The following ABCC1 variants were observed in gnomAD, a reference collection of about 807,000 sequenced individuals.
The protein encoded by ABCC1 is ATP binding cassette subfamily C member 1 (ABCC1 blood group), also known as multidrug resistance-associated protein 1.
Under a neutral mutation model 172.9 loss-of-function variants are expected in ABCC1, and 83 were observed. The ratio of observed to expected loss-of-function variants is 0.48; its 90% confidence interval spans 0.40 to 0.58. ABCC1 has a LOEUF of 0.58. Ranked by LOEUF, ABCC1 falls within the 20% of genes least tolerant of loss-of-function variation. ABCC1 has a pLI of 0.00. For synonymous variants in ABCC1, 937 were observed against 825.2 expected (o/e 1.14, Z -2.32); for missense variants, 1,817 against 2,002.7 (o/e 0.91, Z 1.77).
At chr16:15,993,243 T>C (rs549496131) in intron 1 of ABCC1, among the ~76,000 whole-genome samples, 124 of 152,294 alleles carry the variant, frequency 8.1e-4, no homozygotes, top group African/African-American at 2.8e-3. Context: ...ATTGAATGAA[T>C]GAATGCATGA....
At chr16:16,037,884 G>A (rs1175699268) in intron 7 of ABCC1, among the ~76,000 whole-genome samples, 1 of 152,204 alleles carries the variant, frequency 6.6e-6, no homozygotes. Context: ...GGTGGTCCAG[G>A]TGATGGGAGA....
intron 17 of ABCC1, among the ~76,000 whole-genome samples, chr16:16,085,859 T>A (rs1214247193): frequency 6.6e-6 from 1 of 152,140 alleles, no homozygotes; most frequent in African/African-American, 2.4e-5. Context: ...CAGGAGGGAC[T>A]GGGCAGTAAC....
rs1253692082 is a variant in ABCC1, at chr16:16,068,181, A to G, written c.1703A>G (p.Tyr568Cys). Residue 568 changes from tyrosine to cysteine, a missense_variant, in exon 13 of 31, where the codon TAC becomes TGC. Tyr to Cys is a radical substitution (Grantham distance 194). Transcript: ENST00000399410. ...GTGGCCTTGTGCACATTTGCCGTCTACGTGACCATTGACGAGAACAACATC... is the reference window on the plus strand; with the variant it reads ...GTGGCCTTGTGCACATTTGCCGTCTGCGTGACCATTGACGAGAACAACATC... ...FLVALCTFAV[Y>C]VTIDENNILD... The G allele has an allele frequency of 3.1e-6, 5 of 1,614,070 alleles. No individual in the cohort carries two copies. Among genetic ancestry groups the G allele is most frequent in the African/African-American group, 1.3e-5 (1 of 74,930 alleles).
chr16:16,124,692 G>C, intron 24 of ABCC1, 97 bp from the exon 25 acceptor site: 1 of 1,555,454 alleles, frequency 6.4e-7, no homozygotes, highest in Non-Finnish European at 8.8e-7. Context: ...AGTTACTTGA[G>C]TTAGCAAAGA....
chr16:16,107,185 T>G (rs2052161385), intron 21 of ABCC1, among the ~76,000 whole-genome samples: 1 of 152,166 alleles, frequency 6.6e-6, no homozygotes, highest in Non-Finnish European at 1.5e-5. Context: ...GCTGGATGCT[T>G]TAAATCAGGG....
intron 16 of ABCC1, among the ~76,000 whole-genome samples, chr16:16,080,620 G>A (rs986649471): frequency 6.6e-6 from 1 of 152,144 alleles, no homozygotes; most frequent in Non-Finnish European, 1.5e-5. Flanking sequence ...GGACATTTGG[G>A]CGATAAAGAA....
chr16:16,032,597 A>G (rs1173194634), intron 5 of ABCC1, among the ~76,000 whole-genome samples: 1 of 152,248 alleles, frequency 6.6e-6, no homozygotes, highest in Non-Finnish European at 1.5e-5. Context: ...ATATAAAATA[A>G]TGCAAGTATA....
intron 6 of ABCC1, among the ~76,000 whole-genome samples, chr16:16,033,425 A>T (rs2048627050): frequency 6.6e-6 from 1 of 152,228 alleles, no homozygotes; most frequent in African/African-American, 2.4e-5. Flanking sequence ...TGCCTGGGAC[A>T]GCCATATGCT....
At position 16,119,179 on chromosome 16, in the gene ABCC1, G is replaced by C. The variant is rs1038181826; in HGVS notation, c.3391-2796G>C. The stretch of plus-strand genomic sequence containing the variant: ...AGTTCGGTCGGGTGCAGTGGCTCAT[G>C]CCTTTAATCCCAGCCCTTTGGGAGG... On this transcript the variant is annotated intron_variant, in intron 23 of 30. Coordinates refer to ENST00000399410, the MANE Select transcript of ABCC1 (RefSeq NM_004996.4). 2.6e-5 allele frequency among the ~76,000 whole-genome samples: 4 copies of C among 152,186 alleles called. 1 individual carries two copies. The highest frequency in any genetic ancestry group is 1.3e-4 in the Admixed American group (2 of 15,266).
chr16:16,085,989 A>G (rs961972177), intron 17 of ABCC1, among the ~76,000 whole-genome samples: 1 of 152,256 alleles, frequency 6.6e-6, no homozygotes, highest in Middle Eastern at 3.4e-3. Flanking sequence ...GCTGGATTTC[A>G]GCATCCCCAG....
At chr16:16,083,630 G>A in intron 17 of ABCC1, 88 bp downstream of exon 17, 2 of 1,504,284 alleles carry the variant, frequency 1.3e-6, no homozygotes, top group Non-Finnish European at 1.8e-6. Flanking sequence ...CTGTGAGTCT[G>A]CTGCTATCAG....
chr16:16,003,148 T>G (rs1253884331), intron 1 of ABCC1, among the ~76,000 whole-genome samples: 3 of 150,552 alleles, frequency 2.0e-5, no homozygotes, highest in East Asian at 2.0e-4. Context: ...GGATGAACTG[T>G]TGGGTGGGTA....
chr16:15,990,668 T>C (rs900773228), intron 1 of ABCC1, among the ~76,000 whole-genome samples: 4 of 151,770 alleles, frequency 2.6e-5, no homozygotes, highest in African/African-American at 9.7e-5. Flanking sequence ...CTTTTTTTTT[T>C]AGACAGAGTC....
At chr16:16,115,318 A>C (rs1279800461) in intron 23 of ABCC1, among the ~76,000 whole-genome samples, 1 of 152,214 alleles carries the variant, frequency 6.6e-6, no homozygotes, top group Admixed American at 6.5e-5. Context: ...CAAAAAGGAA[A>C]CAAAACCTAT....
At chr16:15,961,689 C>T (rs561544243) in intron 1 of ABCC1, among the ~76,000 whole-genome samples, 6 of 151,196 alleles carry the variant, frequency 4.0e-5, no homozygotes, top group African/African-American at 1.5e-4. Context: ...TGTTTTGTCT[C>T]TTGTTCTCTT....
At chr16:16,057,850 A>G (rs2049736481) in intron 12 of ABCC1, among the ~76,000 whole-genome samples, 1 of 151,998 alleles carries the variant, frequency 6.6e-6, no homozygotes. Context: ...ATCATAGCTC[A>G]CTGCAGCCTT....
rs927305231 is a variant in ABCC1, at chr16:15,962,526, A to AT, written c.48+12728dup. On this transcript the variant is annotated intron_variant, in intron 1 of 30. Transcript: ENST00000399410. ...AAAAATACCTGAGACTGCGTAGTTT[A>AT]TAAAGGAAAGAGGTTTAATTGACTC... Among the ~76,000 whole-genome samples, 31 of 152,370 alleles carry AT rather than the reference A, an allele frequency of 2.0e-4. 1 individual carries two copies. The highest frequency in any genetic ancestry group is 5.5e-4 in the African/African-American group (23 of 41,598).
rs7186065 is a variant in ABCC1 at position 16,124,337 on chromosome 16, G to A, written c.3591-452G>A. Among the ~76,000 whole-genome samples the A allele has an allele frequency of 6.2e-4, 76 of 122,828 alleles. 1 individual carries two copies. Among genetic ancestry groups the A allele is most frequent in the African/African-American group, 1.6e-3 (48 of 30,942 alleles). The allele number at this position is 122,828 out of a possible 152,430, so 80.6% of individuals were successfully genotyped here. A position where few individuals can be genotyped will look rare whatever the true frequency, so the allele number is the denominator to read the frequency against. On this transcript the variant is annotated intron_variant, in intron 24 of 30. Coordinates refer to ENST00000399410, the MANE Select transcript of ABCC1 (RefSeq NM_004996.4). ...GCACTGTGTGTGTGTGTGTGTGTGT[G>A]TGTGTGTGTGTGATTATAGGAGTGA...
At chr16:15,949,913 C>A in intron 1 of ABCC1, 114 bp downstream of exon 1, 1 of 927,796 alleles carries the variant, frequency 1.1e-6, no homozygotes, top group Non-Finnish European at 1.4e-6. Context: ...CTGCCGGCCT[C>A]GGGGGCCCGG....
Sources: allele counts gnomAD v4.1 joint callset (sites outside exome capture counted in the v4.1 genomes callset), GRCh38; gene constraint gnomAD v4.1.1; transcripts MANE v1.5; gene names NCBI Gene and HGNC (gene_info 2026-07-23, HGNC 2026-07-21).